Variants in CWC22 observed in about 807,000 individuals in gnomAD.
CWC22 encodes the protein pre-mRNA-splicing factor CWC22 homolog.
CWC22 carries 53 observed loss-of-function variants against 117.2 expected under a neutral mutation model. That is an observed-to-expected ratio of 0.45 (90% CI 0.36 to 0.57). The LOEUF is 0.57. CWC22 is among the 20% of genes least tolerant of loss of function. CWC22 has a pLI of 0.00. For missense variants in CWC22, 980 were observed against 1,068.8 expected, an observed-to-expected ratio of 0.92 and a Z score of 1.16; for synonymous variants, 360 against 355.6, an observed-to-expected ratio of 1.01 and a Z score of -0.14.
At chr2:180,001,269 C>G (rs2105565594) in intron 1 of CWC22, among the ~76,000 whole-genome samples, 1 of 152,064 alleles carries the variant, frequency 6.6e-6, no homozygotes, top group South Asian at 2.1e-4. Flanking sequence ...TTTACTGTCT[C>G]ATCCCTACAC....
At chr2:179,951,970 T>C (rs1196552449) in intron 17 of CWC22, among the ~76,000 whole-genome samples, 3 of 152,036 alleles carry the variant, frequency 2.0e-5, no homozygotes, top group Non-Finnish European at 2.9e-5. Context: ...ATGATTTCAG[T>C]AGTGTCAATG....
intron 1 of CWC22, among the ~76,000 whole-genome samples, chr2:180,002,631 G>C (rs1006364959): frequency 6.6e-6 from 1 of 152,176 alleles, no homozygotes; most frequent in Non-Finnish European, 1.5e-5. Flanking sequence ...CTCTGTCCTT[G>C]GGTAAAGAAG....
intron 3 of CWC22, among the ~76,000 whole-genome samples, chr2:179,987,721 T>A (rs947676131): frequency 1.2e-4 from 18 of 152,166 alleles, no homozygotes; most frequent in South Asian, 6.2e-4. Context: ...GCATAAAAAA[T>A]TTTTTTTACA....
rs1402020437 is a variant in CWC22 at position 180,007,185 on chromosome 2, T to G, written c.-432A>C. On this transcript the variant is annotated 5_prime_UTR_variant, in exon 1 of 20. Coordinates refer to ENST00000410053, the MANE Select transcript of CWC22 (RefSeq NM_020943.3). ...TTTAAAAACTTGACGCTCAATTGGC[T>G]TGACACGTTATCCCTTTAATTTATT... 6.6e-6 allele frequency: 1 copy of G among 152,268 alleles called. No individual in the cohort carries two copies. The highest frequency in any genetic ancestry group is 1.5e-5 in the Non-Finnish European group (1 of 68,046). The allele number at this position is 152,268 out of a possible 1,614,324, so 9.4% of individuals were successfully genotyped here. A position where few individuals can be genotyped will look rare whatever the true frequency, so the allele number is the denominator to read the frequency against.
intron 2 of CWC22, among the ~76,000 whole-genome samples, chr2:179,992,987 G>A (rs777962561): frequency 6.8e-6 from 1 of 147,518 alleles, no homozygotes; most frequent in Non-Finnish European, 1.5e-5. Flanking sequence ...GGCCCCTGAC[G>A]CATGCATCCA....
chr2:180,004,327 A>T (rs1354142947), intron 1 of CWC22, among the ~76,000 whole-genome samples: 1 of 152,218 alleles, frequency 6.6e-6, no homozygotes, highest in East Asian at 1.9e-4. Context: ...CTCAGGTACA[A>T]GCCACTGTAG....
chr2:179,982,734 C>T (rs1004079083), intron 4 of CWC22, among the ~76,000 whole-genome samples: 4 of 152,122 alleles, frequency 2.6e-5, no homozygotes, highest in Non-Finnish European at 5.9e-5. Flanking sequence ...TAAGCTGAGG[C>T]TTTTAAAACA....
intron 13 of CWC22, among the ~76,000 whole-genome samples, chr2:179,962,097 C>T (rs1364121365): frequency 6.6e-6 from 1 of 151,946 alleles, no homozygotes; most frequent in Non-Finnish European, 1.5e-5. Context: ...ACTGGAATAT[C>T]GTTTAAAAGC....
At chr2:179,959,485 T>C (rs1017701973) in intron 13 of CWC22, among the ~76,000 whole-genome samples, 1 of 152,122 alleles carries the variant, frequency 6.6e-6, no homozygotes, top group South Asian at 2.1e-4. Flanking sequence ...ACTTTGTAAA[T>C]ATAATAAAAC....
At chr2:179,992,254 T>C (rs1051281418) in intron 2 of CWC22, among the ~76,000 whole-genome samples, 1 of 152,200 alleles carries the variant, frequency 6.6e-6, no homozygotes, top group Non-Finnish European at 1.5e-5. Flanking sequence ...TTGAGTAGTT[T>C]GCTCTCCTGC....
At chr2:179,996,356 C>T (rs923034269) in intron 1 of CWC22, among the ~76,000 whole-genome samples, 4 of 151,476 alleles carry the variant, frequency 2.6e-5, no homozygotes, top group Non-Finnish European at 4.4e-5. Context: ...CCAAGAGAAA[C>T]GATAAAATAG....
chr2:179,965,964 T>A lies in CWC22; in HGVS notation c.1229A>T (p.Asp410Val). 6.2e-7 allele frequency: 1 copy of A among 1,611,226 alleles called. No individual in the cohort carries two copies. The highest frequency in any genetic ancestry group is 8.5e-7 in the Non-Finnish European group (1 of 1,178,218). ...ATCCTGGTCTGTGTTCGAGTCAGTA[T>A]CTCCCTCATCAAGAATTTCTGTAAA... ...AIKKEILDEG[D>V]TDSNTDQDAG... Residue 410 changes from aspartate to valine, a missense_variant, in exon 12 of 20, where the codon GAT becomes GTT. Physicochemically the swap from Asp to Val is radical, Grantham distance 152 (BLOSUM62 -3). Transcript: ENST00000410053.
At chr2:179,995,119 A>C (rs1454720511) in intron 1 of CWC22, among the ~76,000 whole-genome samples, 1 of 152,112 alleles carries the variant, frequency 6.6e-6, no homozygotes. Context: ...CTTCGTCTCA[A>C]ACAAACAAAC....
rs553696338 is a variant in CWC22 at position 179,960,708 on chromosome 2, T to A, written c.1398-1626A>T. Reference sequence around the variant, plus strand: ...GCTCCTGGCCACATCGTCCCAGAAGTAGAACTTGAACACAGGAATATTTAC... The same window carrying A: ...GCTCCTGGCCACATCGTCCCAGAAGAAGAACTTGAACACAGGAATATTTAC... On this transcript the variant is annotated intron_variant, in intron 13 of 19. Coordinates refer to ENST00000410053, the MANE Select transcript of CWC22 (RefSeq NM_020943.3). Among the ~76,000 whole-genome samples the A allele has an allele frequency of 1.8e-3, 275 of 152,088 alleles. 1 individual carries two copies. The highest frequency in any genetic ancestry group is 3.4e-3 in the Non-Finnish European group (230 of 67,852).
chr2:179,968,224 T>A (rs1366307072), intron 11 of CWC22, among the ~76,000 whole-genome samples: 1 of 152,214 alleles, frequency 6.6e-6, no homozygotes, highest in Non-Finnish European at 1.5e-5. Context: ...AAGTGACAAA[T>A]GGATTCTAAT....
At chr2:179,994,680 G>A (rs1347962941) in intron 1 of CWC22, among the ~76,000 whole-genome samples, 2 of 152,156 alleles carry the variant, frequency 1.3e-5, no homozygotes, top group South Asian at 4.1e-4. Flanking sequence ...ACAATCTAAA[G>A]CACATCACTG....
intron 12 of CWC22, 59 bp downstream of exon 12, chr2:179,965,819 T>C: frequency 8.0e-7 from 1 of 1,243,240 alleles, no homozygotes. Flanking sequence ...TTTAGAAGAT[T>C]ACATTAGAAT....
chr2:179,977,982 A>C (rs1687193142), intron 6 of CWC22, among the ~76,000 whole-genome samples: 1 of 152,166 alleles, frequency 6.6e-6, no homozygotes, highest in Admixed American at 6.5e-5. Context: ...GCTTCTCAAA[A>C]AGCAAAAATT....
chr2:179,985,632 G>A (rs1254729860), intron 4 of CWC22, among the ~76,000 whole-genome samples: 4 of 151,924 alleles, frequency 2.6e-5, no homozygotes, highest in Admixed American at 6.6e-5. Flanking sequence ...GATTAACCAC[G>A]GTCCAAAAAT....
Sources: allele counts gnomAD v4.1 joint callset (sites outside exome capture counted in the v4.1 genomes callset), GRCh38; gene constraint gnomAD v4.1.1; transcripts MANE v1.5; gene names NCBI Gene and HGNC (gene_info 2026-07-23, HGNC 2026-07-21).